Variants in MCM9 observed in about 807,000 individuals in gnomAD.
MCM9 encodes the protein minichromosome maintenance 9 homologous recombination repair factor.
In MCM9, 55 loss-of-function variants were observed where a neutral mutation model predicts 72.8. That is an observed-to-expected ratio of 0.76 (90% CI 0.61 to 0.95). The LOEUF is 0.95. MCM9 is among the 40% of genes least tolerant of loss of function. The pLI is 0.00. For missense variants in MCM9, 1,279 were observed against 1,377.0 expected (o/e 0.93, Z 1.13); for synonymous variants, 480 against 503.4 (o/e 0.95, Z 0.62).
chr6:118,870,428 T>A (rs891833626), intron 8 of MCM9, among the ~76,000 whole-genome samples: 3 of 152,120 alleles, frequency 2.0e-5, no homozygotes, highest in African/African-American at 4.8e-5. Flanking sequence ...ATGGGTTTTT[T>A]TTTTTATCTT....
chr6:118,861,533 C>T (rs1474504519), intron 8 of MCM9, among the ~76,000 whole-genome samples: 2 of 152,186 alleles, frequency 1.3e-5, no homozygotes, highest in Non-Finnish European at 2.9e-5. Context: ...TCATGAGTTA[C>T]AGAACAGCTC....
At chr6:118,838,930 T>C (rs1775163883) in intron 9 of MCM9, among the ~76,000 whole-genome samples, 1 of 151,984 alleles carries the variant, frequency 6.6e-6, no homozygotes, top group African/African-American at 2.4e-5. Context: ...TCTCGAGGAG[T>C]ATCTTTGTGG....
At chr6:118,850,026 T>C (rs139999245) in intron 9 of MCM9, among the ~76,000 whole-genome samples, 2,766 of 152,034 alleles carry the variant, frequency 0.018, 47 homozygotes, top group Non-Finnish European at 0.027. Context: ...TAAAACAAGC[T>C]ATATTTTGCA....
At chr6:118,896,841 T>C (rs1378381789) in intron 8 of MCM9, among the ~76,000 whole-genome samples, 2 of 152,150 alleles carry the variant, frequency 1.3e-5, no homozygotes, top group Non-Finnish European at 2.9e-5. Context: ...ATAGAATTTT[T>C]TTTTTTTTAA....
At position 118,826,355 on chromosome 6, in the gene MCM9, C is replaced by T. The variant is rs1774165553; in HGVS notation, c.1816-63G>A. On this transcript the variant is annotated intron_variant, in intron 12 of 13. Coordinates refer to ENST00000619706, the MANE Select transcript of MCM9 (RefSeq NM_017696.3). The stretch of plus-strand genomic sequence containing the variant: ...CAGCCTGCATAGCGGTAAGTACACT[C>T]TAGGGACCAGCAATCCCCGGGGGCT... 4 of 1,485,094 alleles carry T rather than the reference C, an allele frequency of 2.7e-6. No homozygotes were observed. In the South Asian group the frequency reaches 5.4e-5, roughly 20 times the overall value. 92.0% of individuals were successfully genotyped at this position (1,485,094 alleles called of 1,614,324 possible). A position where few individuals can be genotyped will look rare whatever the true frequency, so the allele number is the denominator to read the frequency against.
chr6:118,845,168 T>C (rs538279562), intron 9 of MCM9, among the ~76,000 whole-genome samples: 1 of 151,954 alleles, frequency 6.6e-6, no homozygotes, highest in South Asian at 2.1e-4. Context: ...TGAATAAGCC[T>C]AAAAGACCCA....
intron 8 of MCM9, chr6:118,905,866 A>C (rs979336823): frequency 3.4e-6 from 5 of 1,468,266 alleles, no homozygotes; most frequent in Non-Finnish European, 4.6e-6. Context: ...TACTTTTACT[A>C]TGCAATTTTT....
At chr6:118,844,373 CAT>C (rs1234242404) in intron 9 of MCM9, among the ~76,000 whole-genome samples, 4 of 151,692 alleles carry the variant, frequency 2.6e-5, no homozygotes, top group South Asian at 4.1e-4. Flanking sequence ...AAAATGAACA[CAT>C]GAGTTAACGT....
intron 8 of MCM9, among the ~76,000 whole-genome samples, chr6:118,902,114 T>C (rs970516595): frequency 7.2e-5 from 11 of 152,212 alleles, no homozygotes; most frequent in Non-Finnish European, 1.5e-4. Context: ...TTAAAAGTGC[T>C]GTTAATCAAA....
Position 118,911,686 on chromosome 6 carries a change from A to G in MCM9, c.1114T>C (p.Ser372Pro), listed in dbSNP as rs1780562723. The change falls in exon 8 of 14, where the codon TCT becomes CCT. Residue 372 changes from serine (S) to proline (P), a missense_variant. Coordinates refer to ENST00000619706, the MANE Select transcript of MCM9 (RefSeq NM_017696.3). ...GATCCAATTCCTGTGGTCAGCACAGATCTTGGTGTAATCTTTGCTGCATAT... is the reference window on the plus strand; with the variant it reads ...GATCCAATTCCTGTGGTCAGCACAGGTCTTGGTGTAATCTTTGCTGCATAT... ...LKYAAKITPR[S>P]VLTTGIGSTS... The G allele has an allele frequency of 1.9e-6, 3 of 1,613,610 alleles. No individual in the cohort carries two copies. The highest frequency in any genetic ancestry group is 2.5e-6 in the Non-Finnish European group (3 of 1,179,806).
chr6:118,895,197 C>G (rs909092007), intron 8 of MCM9, among the ~76,000 whole-genome samples: 6 of 151,784 alleles, frequency 4.0e-5, no homozygotes, highest in Non-Finnish European at 7.4e-5. Flanking sequence ...GGCCCCTCCG[C>G]GCCGCGGGCT....
At position 118,917,876 on chromosome 6, in the gene MCM9, T is replaced by C. The variant is rs369350961; in HGVS notation, c.704-115A>G. 1.5e-4 allele frequency: 124 copies of C among 826,072 alleles called. No individual in the cohort carries two copies. In the African/African-American group the frequency reaches 1.7e-3, roughly 11 times the overall value. The allele number at this position is 826,072 out of a possible 1,614,324, so 51.2% of individuals were successfully genotyped here. Reference sequence around the variant, plus strand: ...ACCACTCCCTTACTAGAGTTTACAATATGTACACTCATCCAGAAAACAATT... The same window carrying C: ...ACCACTCCCTTACTAGAGTTTACAACATGTACACTCATCCAGAAAACAATT... On this transcript the variant is annotated intron_variant, in intron 5 of 13. Transcript: ENST00000619706.
At chr6:118,918,964 A>C (rs1487167460) in intron 5 of MCM9, 1 of 152,230 alleles carries the variant, frequency 6.6e-6, no homozygotes, top group East Asian at 1.9e-4. Context: ...CAAACACATT[A>C]AGTAAGTGCT....
intron 4 of MCM9, 95 bp downstream of exon 4, chr6:118,923,716 T>C (rs1781626843): frequency 2.8e-6 from 3 of 1,054,220 alleles, no homozygotes; most frequent in Non-Finnish European, 4.2e-6. Flanking sequence ...CACAAGTACA[T>C]TTGTATCCAT....
intron 8 of MCM9, among the ~76,000 whole-genome samples, chr6:118,866,389 A>T (rs1444492486): frequency 6.6e-6 from 1 of 152,240 alleles, no homozygotes; most frequent in Non-Finnish European, 1.5e-5. Flanking sequence ...AAGTGGAGAT[A>T]TGTGATGTAC....
chr6:118,828,155 GT>G (rs747265352), intron 10 of MCM9, 25 bp from the exon 11 acceptor site: 1 of 1,529,528 alleles, frequency 6.5e-7, no homozygotes, highest in South Asian at 1.2e-5. Flanking sequence ...TGTTGGGTCA[GT>G]AAGTTCTTAG....
rs553491848 is a variant in MCM9 at position 118,827,971 on chromosome 6, C to T, written c.1688G>A (p.Arg563Gln). ...GCTTTCCAACAGCCGAATGGTGGTCCGGGCAGCGTTCCGGCAATCACTCTG... is the reference window on the plus strand; with the variant it reads ...GCTTTCCAACAGCCGAATGGTGGTCTGGGCAGCGTTCCGGCAATCACTCTG... Reference protein sequence around the residue: ...QRQSDCRNAARTTIRLLESLI... With the variant: ...QRQSDCRNAAQTTIRLLESLI... The change falls in exon 11 of 14, where the codon CGG (arginine) becomes CAG (glutamine). Residue 563 changes from arginine to glutamine, a missense_variant. Transcript: ENST00000619706. The T allele has an allele frequency of 2.1e-5, 33 of 1,550,874 alleles. No homozygotes were observed. Among genetic ancestry groups the T allele is most frequent in the Non-Finnish European group, 2.7e-5 (31 of 1,147,098 alleles).
intron 9 of MCM9, among the ~76,000 whole-genome samples, chr6:118,843,655 T>TATATACACGTGTATATAC (rs1491542240): frequency 2.6e-5 from 1 of 38,616 alleles, no homozygotes; most frequent in African/African-American, 9.9e-5. Flanking sequence ...TATATATATA[T>TATATACACGTGTATATAC]GTGTATATAT....
At chr6:118,924,864 T>C (rs1268044931) in intron 3 of MCM9, among the ~76,000 whole-genome samples, 1 of 152,020 alleles carries the variant, frequency 6.6e-6, no homozygotes, top group African/African-American at 2.4e-5. Context: ...GGCAACATAG[T>C]GGGACCCCAT....
Sources: allele counts gnomAD v4.1 joint callset (sites outside exome capture counted in the v4.1 genomes callset), GRCh38; gene constraint gnomAD v4.1.1; transcripts MANE v1.5; gene names NCBI Gene and HGNC (gene_info 2026-07-23, HGNC 2026-07-21).